SAMMSON: variants seen among roughly 807,000 people sequenced by gnomAD.
SAMMSON encodes the protein long intergenic non-protein coding RNA 1212.
At chr3:70,171,755 CT>C (rs1380224129) in intron 4 of SAMMSON, among the ~76,000 whole-genome samples, 4 of 151,838 alleles carry the variant, frequency 2.6e-5, no homozygotes, top group African/African-American at 9.7e-5. Context: ...CTTCTCTACT[CT>C]TTTCAAAGTG....
At chr3:70,339,331 A>G (rs571313430) in intron 7 of SAMMSON, among the ~76,000 whole-genome samples, 10 of 152,352 alleles carry the variant, frequency 6.6e-5, no homozygotes, top group Non-Finnish European at 1.5e-4. Flanking sequence ...ACCATTCAGG[A>G]CATAGGCATG....
chr3:70,399,857 A>G (rs2106762207), intron 2 of SAMMSON, among the ~76,000 whole-genome samples: 1 of 150,036 alleles, frequency 6.7e-6, no homozygotes, highest in East Asian at 1.9e-4. Flanking sequence ...TCTGACTCAA[A>G]AAAAAAAAAC....
intron 2 of SAMMSON, among the ~76,000 whole-genome samples, chr3:70,415,652 G>T (rs1394347117): frequency 1.3e-5 from 2 of 152,086 alleles, no homozygotes; most frequent in Admixed American, 1.3e-4. Context: ...TGTCAGGTGA[G>T]GTCAATCTCC....
At chr3:70,000,407 A>G (rs373171055) in intron 1 of SAMMSON, among the ~76,000 whole-genome samples, 2 of 152,232 alleles carry the variant, frequency 1.3e-5, no homozygotes, top group South Asian at 2.1e-4. Context: ...AACTTATAGA[A>G]CTATAATATA....
intron 7 of SAMMSON, among the ~76,000 whole-genome samples, chr3:70,343,552 A>AGTGT (rs767478553): frequency 1.3e-5 from 2 of 152,328 alleles, no homozygotes; most frequent in South Asian, 4.1e-4. Context: ...ACAGAGGCAC[A>AGTGT]GTGTGATTCT....
At chr3:70,244,434 T>C (rs1404578304) in intron 4 of SAMMSON, among the ~76,000 whole-genome samples, 4 of 152,190 alleles carry the variant, frequency 2.6e-5, no homozygotes, top group Non-Finnish European at 5.9e-5. Context: ...TCAATTAAAA[T>C]AACATGTAAA....
intron 4 of SAMMSON, among the ~76,000 whole-genome samples, chr3:70,122,917 A>G (rs2067441013): frequency 6.6e-6 from 1 of 152,188 alleles, no homozygotes; most frequent in African/African-American, 2.4e-5. Flanking sequence ...TTTGTATAGC[A>G]TTCACCTCAC....
At chr3:70,398,296 C>T (rs116459072) in intron 2 of SAMMSON, among the ~76,000 whole-genome samples, 2,397 of 152,176 alleles carry the variant, frequency 0.016, 29 homozygotes, top group Middle Eastern at 0.027. Flanking sequence ...ATAAGGTTTC[C>T]TGTATATTTT....
chr3:70,007,378 T>C (rs565512611), intron 1 of SAMMSON, among the ~76,000 whole-genome samples: 52 of 152,320 alleles, frequency 3.4e-4, no homozygotes, highest in African/African-American at 1.2e-3. Flanking sequence ...TGGTTTTGAT[T>C]TGCATTTCTC....
rs1161596949 is a variant in SAMMSON at position 70,263,252 on chromosome 3, G to C, written n.674+13582G>C. On this transcript the variant is annotated intron_variant and non_coding_transcript_variant, in intron 6 of 9. Coordinates refer to ENST00000642114, the Ensembl canonical transcript of SAMMSON. ...TTCAGTAATTTTTACTGTATGCTGG[G>C]TATTATAAATTTTATGTTATCGAGT... Among the ~76,000 whole-genome samples the C allele has an allele frequency of 5.9e-5, 9 of 151,976 alleles. No homozygotes were observed. The East Asian group carries it at 1.5e-3, about 26-fold the overall frequency.
At chr3:70,236,110 C>T (rs1411860161) in intron 4 of SAMMSON, among the ~76,000 whole-genome samples, 1 of 152,188 alleles carries the variant, frequency 6.6e-6, no homozygotes, top group Non-Finnish European at 1.5e-5. Context: ...CCCTTGCTAA[C>T]CTAACTTATT....
chr3:70,395,495 A>G (rs528443244), intron 2 of SAMMSON, among the ~76,000 whole-genome samples: 9 of 152,092 alleles, frequency 5.9e-5, no homozygotes, highest in Non-Finnish European at 1.0e-4. Flanking sequence ...TTTTTCCCAT[A>G]AAGTGCCTAG....
chr3:70,124,701 G>A (rs2067448419), intron 4 of SAMMSON, among the ~76,000 whole-genome samples: 2 of 150,994 alleles, frequency 1.3e-5, no homozygotes, highest in South Asian at 4.2e-4. Flanking sequence ...TGTAGTCCCA[G>A]CTACTTGGGA....
At chr3:70,146,212 C>T (rs1039225439) in intron 4 of SAMMSON, among the ~76,000 whole-genome samples, 5 of 151,996 alleles carry the variant, frequency 3.3e-5, no homozygotes, top group Non-Finnish European at 7.4e-5. Flanking sequence ...AAGAACTCTT[C>T]AGACCCAAAT....
At chr3:70,426,679 A>C (rs1316713390) in intron 2 of SAMMSON, among the ~76,000 whole-genome samples, 1 of 152,206 alleles carries the variant, frequency 6.6e-6, no homozygotes. Flanking sequence ...TTTCCATGCC[A>C]GTAGACACAA....
At chr3:70,292,685 T>G (rs1336936839) in intron 7 of SAMMSON, among the ~76,000 whole-genome samples, 4 of 152,120 alleles carry the variant, frequency 2.6e-5, no homozygotes, top group Admixed American at 6.6e-5. Context: ...TCCAAATGTT[T>G]TCTCTTTTTT....
intron 4 of SAMMSON, chr3:70,205,274 A>T (rs1701279320): frequency 6.6e-6 from 1 of 152,030 alleles, no homozygotes; most frequent in African/African-American, 2.4e-5. Flanking sequence ...CGAGGTAGTG[A>T]CATTTAGATG....
intron 9 of SAMMSON, among the ~76,000 whole-genome samples, chr3:70,376,083 A>G (rs966498488): frequency 6.6e-6 from 1 of 152,192 alleles, no homozygotes; most frequent in Non-Finnish European, 1.5e-5. Context: ...TTGAATACCT[A>G]GTGTTCCAAT....
intron 7 of SAMMSON, among the ~76,000 whole-genome samples, chr3:70,315,732 A>C (rs1362148365): frequency 6.6e-6 from 1 of 152,126 alleles, no homozygotes; most frequent in East Asian, 1.9e-4. Context: ...GTGAACCCAC[A>C]GTTGATGGCT....
Sources: gnomAD v4.1 joint callset for allele counts (sites outside exome capture counted in the v4.1 genomes callset) on GRCh38, gnomAD v4.1.1 for gene constraint, MANE v1.5 for transcripts, NCBI Gene and HGNC (gene_info 2026-07-23, HGNC 2026-07-21) for gene names.